Variants in OR1D2 observed in about 807,000 individuals in gnomAD.
The protein encoded by OR1D2 is olfactory receptor 1D2.
For synonymous variants in OR1D2, 157 were observed against 153.9 expected (o/e 1.02, Z -0.15); for missense variants, 357 against 376.1 (o/e 0.95, Z 0.42).
intron 1 of OR1D2, among the ~76,000 whole-genome samples, chr17:3,097,596 C>T (rs142998362): frequency 3.3e-5 from 5 of 152,300 alleles, no homozygotes; most frequent in African/African-American, 9.6e-5. Flanking sequence ...GGGTACCAAC[C>T]CCAGAGCTGT....
chr17:3,092,833 A>G lies in OR1D2; in HGVS notation c.164T>C (p.Leu55Pro). 1 of 1,614,142 alleles carries G rather than the reference A, an allele frequency of 6.2e-7. No individual in the cohort carries two copies. The highest frequency in any genetic ancestry group is 1.1e-5 in the South Asian group (1 of 91,076). ...IILAISSDSR[L>P]HTPVYFFLAN... Reference sequence around the variant, plus strand: ...CAGGAAGAAGTACACGGGGGTGTGCAGGCGGGAATCAGAGCTGATGGCCAG... The same window carrying G: ...CAGGAAGAAGTACACGGGGGTGTGCGGGCGGGAATCAGAGCTGATGGCCAG... Residue 55 changes from leucine to proline, a missense_variant, in exon 2 of 2, where the codon CTG becomes CCG. Leu to Pro is a moderately conservative substitution (Grantham distance 98). Coordinates refer to ENST00000641833, the MANE Select transcript of OR1D2 (RefSeq NM_002548.3).
intron 1 of OR1D2, 37 bp from the exon 2 acceptor site, chr17:3,093,083 A>T: frequency 8.1e-7 from 1 of 1,237,490 alleles, no homozygotes; most frequent in Non-Finnish European, 1.1e-6. Flanking sequence ...AGCAAAATCA[A>T]CATTTTCTTA....
rs368510897 is a variant in OR1D2, at chr17:3,089,701, G to A, written c.*2357C>T. ...ATGTGTGAGCTCCGACTCTCCTTCG[G>A]TGGGGCTTGCTGTGGCCACTGTGAG... On this transcript the variant is annotated 3_prime_UTR_variant, in exon 2 of 2. Transcript: ENST00000641833. 5 of 152,496 alleles carry A rather than the reference G, an allele frequency of 3.3e-5. No individual in the cohort carries two copies. Among genetic ancestry groups the A allele is most frequent in the East Asian group, 1.9e-4 (1 of 5,184 alleles). The allele number at this position is 152,496 out of a possible 1,614,324, so 9.4% of individuals were successfully genotyped here.
chr17:3,095,184 C>A (rs1222243575), intron 1 of OR1D2, among the ~76,000 whole-genome samples: 1 of 151,882 alleles, frequency 6.6e-6, no homozygotes. Context: ...AGAATAAATA[C>A]AAAGAGATTC....
At chr17:3,097,907 AC>A (rs2047854301) in intron 1 of OR1D2, among the ~76,000 whole-genome samples, 1 of 152,120 alleles carries the variant, frequency 6.6e-6, no homozygotes, top group African/African-American at 2.4e-5. Flanking sequence ...CCTATGGTCG[AC>A]TGTGGCCAAA....
chr17:3,098,130 G>A (rs903415072), intron 1 of OR1D2, among the ~76,000 whole-genome samples: 6 of 152,156 alleles, frequency 3.9e-5, no homozygotes, highest in African/African-American at 9.7e-5. Flanking sequence ...CAGATGAGTG[G>A]GTTTCCCCTA....
At position 3,091,987 on chromosome 17, in the gene OR1D2, C is replaced by A; in HGVS notation, c.*71G>T. On this transcript the variant is annotated 3_prime_UTR_variant, in exon 2 of 2. Coordinates refer to ENST00000641833, the MANE Select transcript of OR1D2 (RefSeq NM_002548.3). The stretch of plus-strand genomic sequence containing the variant: ...GTCCCAATCACTGCTGTATAACACA[C>A]AGGACAATCCCTTACATAGGGTGAA... 8.6e-7 allele frequency: 1 copy of A among 1,164,770 alleles called. No homozygotes were observed. The highest frequency in any genetic ancestry group is 2.3e-5 in the East Asian group (1 of 42,692). The allele number at this position is 1,164,770 out of a possible 1,614,324, so 72.2% of individuals were successfully genotyped here. A position where few individuals can be genotyped will look rare whatever the true frequency, so the allele number is the denominator to read the frequency against.
At chr17:3,099,999 AC>A (rs2047867637) in intron 1 of OR1D2, among the ~76,000 whole-genome samples, 1 of 152,230 alleles carries the variant, frequency 6.6e-6, no homozygotes, top group African/African-American at 2.4e-5. Flanking sequence ...ATATATATGC[AC>A]CCAATACAGG....
At chr17:3,094,185 G>A (rs181401182) in intron 1 of OR1D2, among the ~76,000 whole-genome samples, 2 of 152,206 alleles carry the variant, frequency 1.3e-5, no homozygotes, top group East Asian at 1.9e-4. Flanking sequence ...CTCTATATTA[G>A]CAAGTAAAGC....
chr17:3,092,507 T>G lies in OR1D2; in HGVS notation c.490A>C (p.Thr164Pro). ...CGTGACCCACAGAAGGTCACTCTGGTCATGAGGAGGGTGTGTATGAGGCCA... is the reference window on the plus strand; with the variant it reads ...CGTGACCCACAGAAGGTCACTCTGGGCATGAGGAGGGTGTGTATGAGGCCA... ...LYGLIHTLLM[T>P]RVTFCGSRKI... The change falls in exon 2 of 2, where the codon ACC (threonine) becomes CCC (proline). Residue 164 changes from threonine to proline, a missense_variant. Thr to Pro is a conservative substitution (Grantham distance 38). Transcript: ENST00000641833. The G allele has an allele frequency of 6.2e-7, 1 of 1,613,978 alleles. No homozygotes were observed. Among genetic ancestry groups the G allele is most frequent in the South Asian group, 1.1e-5 (1 of 91,064 alleles).
chr17:3,092,734 T>C lies in OR1D2; in HGVS notation c.263A>G (p.His88Arg). 6.2e-7 allele frequency: 1 copy of C among 1,614,068 alleles called. No individual in the cohort carries two copies. The highest frequency in any genetic ancestry group is 2.2e-5 in the East Asian group (1 of 44,884). Residue 88 changes from histidine to arginine, a missense_variant, in exon 2 of 2, where the codon CAT (histidine) becomes CGT (arginine). Physicochemically the swap from His to Arg is conservative, Grantham distance 29. Transcript: ENST00000641833. ...CCCTGCATAGGAGATGGCTTTGTTA[T>C]GGGACTGGAGGTTCACCAGCATCTT... ...IPKMLVNLQS[H>R]NKAISYAGCL...
At position 3,092,703 on chromosome 17, in the gene OR1D2, C is replaced by G. The variant is rs2047820954; in HGVS notation, c.294G>C (p.Leu98=). 6.2e-7 allele frequency: 1 copy of G among 1,613,960 alleles called. No individual in the cohort carries two copies. The highest frequency in any genetic ancestry group is 8.5e-7 in the Non-Finnish European group (1 of 1,180,026). ...HNKAISYAGC[L]TQLYFLVSLV... ...AGGAGACCAGGAAGTAGAGCTGTGTCAGACACCCTGCATAGGAGATGGCTT... is the reference window on the plus strand; with the variant it reads ...AGGAGACCAGGAAGTAGAGCTGTGTGAGACACCCTGCATAGGAGATGGCTT... Residue 98 remains leucine (L), a synonymous_variant, in exon 2 of 2, where the codon CTG becomes CTC. Coordinates refer to ENST00000641833, the MANE Select transcript of OR1D2 (RefSeq NM_002548.3).
chr17:3,092,732 T>C lies in OR1D2; in HGVS notation c.265A>G (p.Asn89Asp). 3.1e-6 allele frequency: 5 copies of C among 1,614,026 alleles called. No individual in the cohort carries two copies. The highest frequency in any genetic ancestry group is 4.2e-6 in the Non-Finnish European group (5 of 1,180,004). ...CACCCTGCATAGGAGATGGCTTTGT[T>C]ATGGGACTGGAGGTTCACCAGCATC... ...PKMLVNLQSH[N>D]KAISYAGCLT... Residue 89 changes from asparagine (N) to aspartate (D), a missense_variant, in exon 2 of 2, where the codon AAC becomes GAC. Asn to Asp is a conservative substitution (Grantham distance 23). Coordinates refer to ENST00000641833, the MANE Select transcript of OR1D2 (RefSeq NM_002548.3).
chr17:3,102,049 TAC>T (rs767857072), intron 1 of OR1D2, among the ~76,000 whole-genome samples: 2 of 152,196 alleles, frequency 1.3e-5, no homozygotes, highest in African/African-American at 2.4e-5. Context: ...CCAAAATATG[TAC>T]AGTTATTACT....
chr17:3,092,255 C>T lies in OR1D2; in HGVS notation c.742G>A (p.Val248Ile). The change falls in exon 2 of 2, where the codon GTC becomes ATC. Residue 248 changes from valine (V) to isoleucine (I), a missense_variant. Transcript: ENST00000641833. ...FSTCASHLGAVSLFYGTLCMV... is the reference protein window; with the variant it reads ...FSTCASHLGAISLFYGTLCMV... ...CAAAGTGTCCCATAGAAGAGGGAGA[C>T]TGCACCCAAATGGGAGGCACAGGTG... The T allele has an allele frequency of 6.2e-7, 1 of 1,614,172 alleles. No individual in the cohort carries two copies.
intron 1 of OR1D2, among the ~76,000 whole-genome samples, chr17:3,097,231 C>T (rs1291749558): frequency 6.6e-6 from 1 of 152,088 alleles, no homozygotes; most frequent in Non-Finnish European, 1.5e-5. Context: ...TCTGTGGTGT[C>T]CATTTTACAA....
rs759586609 is a variant in OR1D2, at chr17:3,092,806, G to A, written c.191C>T (p.Ala64Val). 4 of 1,614,054 alleles carry A rather than the reference G, an allele frequency of 2.5e-6. No individual in the cohort carries two copies. The highest frequency in any genetic ancestry group is 3.4e-6 in the Non-Finnish European group (4 of 1,180,012). Residue 64 changes from alanine to valine, a missense_variant, in exon 2 of 2, where the codon GCC becomes GTC. Ala to Val is a moderately conservative substitution (Grantham distance 64, BLOSUM62 0). Coordinates refer to ENST00000641833, the MANE Select transcript of OR1D2 (RefSeq NM_002548.3). ...GAAGAGGTCAGTGAAGGAGAGGTTG[G>A]CCAGGAAGAAGTACACGGGGGTGTG... is the stretch of plus-strand genomic sequence containing the variant. Reference protein sequence around the residue: ...RLHTPVYFFLANLSFTDLFFV... With the variant: ...RLHTPVYFFLVNLSFTDLFFV...
At chr17:3,095,510 A>C (rs1026440118) in intron 1 of OR1D2, among the ~76,000 whole-genome samples, 9 of 152,146 alleles carry the variant, frequency 5.9e-5, no homozygotes, top group African/African-American at 2.2e-4. Context: ...AAACTACTAA[A>C]GAAATTTCTT....
chr17:3,095,512 A>T (rs1222788547), intron 1 of OR1D2, among the ~76,000 whole-genome samples: 1 of 152,140 alleles, frequency 6.6e-6, no homozygotes, highest in Non-Finnish European at 1.5e-5. Context: ...ACTACTAAAG[A>T]AATTTCTTTA....
Sources: allele counts gnomAD v4.1 joint callset (sites outside exome capture counted in the v4.1 genomes callset), GRCh38; gene constraint gnomAD v4.1.1; transcripts MANE v1.5; gene names NCBI Gene and HGNC (gene_info 2026-07-23, HGNC 2026-07-21).